The following TFG variants were observed in gnomAD, a reference collection of about 807,000 sequenced individuals.
TFG encodes protein TFG.
In TFG, 22 loss-of-function variants were observed where a neutral mutation model predicts 51.4. The ratio of observed to expected loss-of-function variants is 0.43; its 90% CI spans 0.31 to 0.61. The LOEUF is 0.61. Ranked by LOEUF, TFG falls within the 20% of genes least tolerant of loss-of-function variation. The pLI is 0.12. For synonymous variants in TFG, 187 were observed against 165.6 expected (o/e 1.13, Z -0.99); for missense variants, 419 against 487.7 (o/e 0.86, Z 1.33).
chr3:100,736,808 T>A, intron 6 of TFG, 92 bp downstream of exon 6: 1 of 1,374,222 alleles, frequency 7.3e-7, no homozygotes, highest in Non-Finnish European at 9.8e-7. Flanking sequence ...TATTTAGTCA[T>A]GCCTTAAACA....
intron 6 of TFG, chr3:100,743,436 G>A (rs1043758031): frequency 2.0e-5 from 3 of 152,222 alleles, no homozygotes; most frequent in African/African-American, 7.2e-5. Flanking sequence ...GATTAAGGTG[G>A]CATCTAAATT....
intron 2 of TFG, among the ~76,000 whole-genome samples, chr3:100,715,557 T>C (rs1156887589): frequency 6.6e-6 from 1 of 152,240 alleles, no homozygotes; most frequent in Non-Finnish European, 1.5e-5. Flanking sequence ...GGTATAATTC[T>C]CCTTTGTTTT....
intron 5 of TFG, among the ~76,000 whole-genome samples, chr3:100,733,881 A>C (rs2095098612): frequency 6.6e-6 from 1 of 152,210 alleles, no homozygotes. Flanking sequence ...ATAGTAAACT[A>C]TGTGCATATT....
In TFG at chr3:100,709,512, A is replaced by G. The variant is rs114124529; in HGVS notation, c.-253A>G. On this transcript the variant is annotated 5_prime_UTR_variant, in exon 1 of 8. Transcript: ENST00000240851. ...CGCCTCTGTTCTTCCCCCACCTGCC[A>G]CGTACAGAGCCCAAGTTCTCGCTAG... 3,443 of 151,694 alleles carry G rather than the reference A, an allele frequency of 0.023. 54 individuals are homozygous for G. The highest frequency in any genetic ancestry group is 0.029 in the Non-Finnish European group (1,976 of 68,032). 9.4% of individuals were successfully genotyped at this position (151,694 alleles called of 1,614,324 possible).
At chr3:100,732,729 C>T (rs2095095273) in intron 5 of TFG, 57 bp downstream of exon 5, 2 of 1,384,774 alleles carry the variant, frequency 1.4e-6, no homozygotes, top group Admixed American at 4.7e-5. Context: ...TCCGTTCTTC[C>T]CTTTCCTTCT....
chr3:100,727,505 C>T (rs1164084944), intron 3 of TFG, among the ~76,000 whole-genome samples: 1 of 152,204 alleles, frequency 6.6e-6, no homozygotes, highest in African/African-American at 2.4e-5. Flanking sequence ...TGTATGTATA[C>T]TGGCAATGTG....
chr3:100,746,646 C>T (rs1253553596), intron 7 of TFG, among the ~76,000 whole-genome samples: 2 of 151,928 alleles, frequency 1.3e-5, no homozygotes, highest in Non-Finnish European at 2.9e-5. Flanking sequence ...AGAAGCATTG[C>T]CACATTATGT....
chr3:100,729,787 A>T (rs1348164500), intron 4 of TFG, among the ~76,000 whole-genome samples: 1 of 152,040 alleles, frequency 6.6e-6, no homozygotes, highest in Non-Finnish European at 1.5e-5. Flanking sequence ...TTTGTTTTCT[A>T]TTTTTATTTT....
At chr3:100,712,447 C>T (rs2095033797) in intron 1 of TFG, among the ~76,000 whole-genome samples, 1 of 151,966 alleles carries the variant, frequency 6.6e-6, no homozygotes, top group Non-Finnish European at 1.5e-5. Flanking sequence ...AGAATGTGGC[C>T]AGTAGTAGTT....
chr3:100,728,649 CATATTATTAGT>C (rs1368247182), intron 3 of TFG, 52 bp from the exon 4 acceptor site: 4 of 1,241,032 alleles, frequency 3.2e-6, no homozygotes, highest in African/African-American at 1.6e-5. Flanking sequence ...TTCCTTGTTG[CATATTATTAGT>C]ATACTTATTC....
chr3:100,713,700 G>A lies in TFG; in HGVS notation c.15G>A (p.Leu5=). 6.2e-7 allele frequency: 1 copy of A among 1,603,520 alleles called. No individual in the cohort carries two copies. MNGQ[L]DLSGKLIIKA... ...TGGAGTCCACCATGAACGGACAGTTGGATCTAAGTGGGAAGCTAATCATCA... is the reference window on the plus strand; with the variant it reads ...TGGAGTCCACCATGAACGGACAGTTAGATCTAAGTGGGAAGCTAATCATCA... The change falls in exon 2 of 8, where the codon TTG becomes TTA. Residue 5 remains leucine, a synonymous_variant. Coordinates refer to ENST00000240851, the MANE Select transcript of TFG (RefSeq NM_006070.6).
At chr3:100,739,229 A>G (rs999839302) in intron 6 of TFG, among the ~76,000 whole-genome samples, 1 of 152,230 alleles carries the variant, frequency 6.6e-6, no homozygotes, top group Non-Finnish European at 1.5e-5. Flanking sequence ...TTGTTAACAT[A>G]GCAATCTCTT....
intron 2 of TFG, among the ~76,000 whole-genome samples, chr3:100,714,951 A>G (rs1282582002): frequency 6.6e-6 from 1 of 152,148 alleles, no homozygotes; most frequent in Non-Finnish European, 1.5e-5. Context: ...CTTCTTTGTT[A>G]ATATCTCTGC....
chr3:100,725,214 A>T (rs914616107), intron 3 of TFG, among the ~76,000 whole-genome samples: 24 of 152,112 alleles, frequency 1.6e-4, no homozygotes, highest in Non-Finnish European at 4.4e-5. Context: ...CCAAAAGGGA[A>T]TTCTTTTACC....
At chr3:100,731,271 T>C (rs1030588553) in intron 4 of TFG, among the ~76,000 whole-genome samples, 5 of 152,322 alleles carry the variant, frequency 3.3e-5, no homozygotes, top group Middle Eastern at 6.8e-3. Flanking sequence ...TTTGTTTGTT[T>C]CTTTTGATGT....
At chr3:100,736,316 T>C (rs2095106093) in intron 5 of TFG, among the ~76,000 whole-genome samples, 1 of 152,168 alleles carries the variant, frequency 6.6e-6, no homozygotes, top group Non-Finnish European at 1.5e-5. Context: ...ACATGAGTTT[T>C]GATTTTTGCA....
intron 6 of TFG, among the ~76,000 whole-genome samples, chr3:100,740,117 A>G (rs977650004): frequency 1.3e-5 from 2 of 152,140 alleles, no homozygotes; most frequent in Non-Finnish European, 2.9e-5. Context: ...AAAAACTTAC[A>G]TGTTTCTAAA....
At position 100,725,622 on chromosome 3, in the gene TFG, C is replaced by CAAA. The variant is rs763163559; in HGVS notation, c.269-3069_269-3067dup. Among the ~76,000 whole-genome samples, 310 of 83,476 alleles carry CAAA rather than the reference C, an allele frequency of 3.7e-3. 2 individuals are homozygous for CAAA. Among genetic ancestry groups the CAAA allele is most frequent in the Middle Eastern group, 7.6e-3 (1 of 132 alleles). 54.8% of individuals were successfully genotyped at this position (83,476 alleles called of 152,430 possible). A position where few individuals can be genotyped will look rare whatever the true frequency, so the allele number is the denominator to read the frequency against. On this transcript the variant is annotated intron_variant, in intron 3 of 7. Transcript: ENST00000240851. ...CGAAACTCCGTCTCTACCAAAAATA[C>CAAA]AAAAAAAAAAAAAAAAAAAAAAATT... is the stretch of plus-strand genomic sequence containing the variant.
At chr3:100,736,780 TG>T (rs2095107775) in intron 6 of TFG, 64 bp downstream of exon 6, 2 of 1,525,206 alleles carry the variant, frequency 1.3e-6, no homozygotes, top group South Asian at 2.4e-5. Flanking sequence ...ATTACAGCAT[TG>T]TTGTAAACAC....
Sources: allele counts gnomAD v4.1 joint callset (sites outside exome capture counted in the v4.1 genomes callset), GRCh38; gene constraint gnomAD v4.1.1; transcripts MANE v1.5; gene names NCBI Gene and HGNC (gene_info 2026-07-23, HGNC 2026-07-21).